Variants in CHL1 observed in about 807,000 individuals in gnomAD.
The protein encoded by CHL1 is cell adhesion molecule L1 like, also known as neural cell adhesion molecule L1-like protein.
In CHL1, 96 loss-of-function variants were observed where a neutral mutation model predicts 141.9. The observed-to-expected ratio is 0.68, with a 90% CI of 0.57 to 0.80. The LOEUF (loss-of-function observed/expected upper bound fraction) is 0.80, where lower values mean the gene tolerates loss of function less well. Ranked by LOEUF, CHL1 falls within the 30% of genes least tolerant of loss-of-function variation. The pLI, the probability that CHL1 is intolerant of heterozygous loss-of-function variation, is 0.00. For missense variants in CHL1, 1,820 were observed against 1,457.2 expected, an observed-to-expected ratio of 1.25 and a Z score of -4.05; for synonymous variants, 613 against 502.2, an observed-to-expected ratio of 1.22 and a Z score of -2.95.
At chr3:313,089 G>C (rs1026529431) in intron 2 of CHL1, among the ~76,000 whole-genome samples, 1 of 151,894 alleles carries the variant, frequency 6.6e-6, no homozygotes, top group African/African-American at 2.4e-5. Flanking sequence ...TTCTTTTTTG[G>C]CTGTGTGCAT....
intron 5 of CHL1, among the ~76,000 whole-genome samples, chr3:330,518 A>G (rs1291240932): frequency 6.6e-6 from 1 of 152,110 alleles, no homozygotes; most frequent in East Asian, 1.9e-4. Context: ...AAATTCAACA[A>G]TGTGGTATGT....
chr3:316,417 C>T (rs1294123808), intron 2 of CHL1, among the ~76,000 whole-genome samples: 1 of 150,622 alleles, frequency 6.6e-6, no homozygotes, highest in Non-Finnish European at 1.5e-5. Flanking sequence ...TGGCAAAAAC[C>T]ACAATAACTT....
intron 1 of CHL1, among the ~76,000 whole-genome samples, chr3:242,953 G>T (rs758747599): frequency 2.8e-4 from 43 of 152,206 alleles, no homozygotes; most frequent in Non-Finnish European, 6.0e-4. Flanking sequence ...GTCCTTGACA[G>T]TGGTAAGAAG....
At chr3:249,832 C>A (rs1693518736) in intron 2 of CHL1, among the ~76,000 whole-genome samples, 1 of 152,048 alleles carries the variant, frequency 6.6e-6, no homozygotes, top group Non-Finnish European at 1.5e-5. Context: ...TCAGTACATA[C>A]TGTGAATATA....
rs777927108 is a variant in CHL1 at position 377,904 on chromosome 3, T to C, written c.1838T>C (p.Leu613Pro). 1 of 1,612,840 alleles carries C rather than the reference T, an allele frequency of 6.2e-7. No homozygotes were observed. The highest frequency in any genetic ancestry group is 8.5e-7 in the Non-Finnish European group (1 of 1,179,362). The change falls in exon 16 of 28, where the codon CTA becomes CCA. Residue 613 changes from leucine to proline, a missense_variant. Transcript: ENST00000256509. ...TACTGCTGTTCAGCTCATACTGCTC[T>C]AGACAGTGCTGCCGATATAACTCAA... is the stretch of plus-strand genomic sequence containing the variant. Reference protein sequence around the residue: ...GIYCCSAHTALDSAADITQVT... With the variant: ...GIYCCSAHTAPDSAADITQVT...
chr3:373,819 C>T (rs1316560187), intron 15 of CHL1: 1 of 152,304 alleles, frequency 6.6e-6, no homozygotes, highest in African/African-American at 2.4e-5. Context: ...TCACTCACCG[C>T]CTCCCTTGGC....
rs920585292 is a variant in CHL1, at chr3:398,301, G to C, written c.3169G>C (p.Ala1057Pro). The change falls in exon 25 of 28, where the codon GCT becomes CCT. Residue 1057 changes from alanine (A) to proline (P), a missense_variant. Ala to Pro is a conservative substitution (Grantham distance 27). Coordinates refer to ENST00000256509, the MANE Select transcript of CHL1 (RefSeq NM_006614.4). ...CCCAATAGAGGTATTTGAGCCGGGA[G>C]CTGAACATATAGTTCGCCTAATGAC... ...THPIEVFEPGAEHIVRLMTKN... is the reference protein window; with the variant it reads ...THPIEVFEPGPEHIVRLMTKN... The C allele has an allele frequency of 1.2e-6, 2 of 1,607,920 alleles. No individual in the cohort carries two copies. The highest frequency in any genetic ancestry group is 2.7e-5 in the African/African-American group (2 of 74,786).
intron 2 of CHL1, among the ~76,000 whole-genome samples, chr3:284,468 C>T (rs76733797): frequency 0.011 from 1,741 of 152,244 alleles, 38 homozygotes; most frequent in African/African-American, 0.04. Context: ...GGAACTGTTC[C>T]AAACCGTGTG....
intron 11 of CHL1, 101 bp downstream of exon 11, chr3:354,872 T>C (rs1703581470): frequency 7.0e-7 from 1 of 1,438,054 alleles, no homozygotes; most frequent in Non-Finnish European, 9.5e-7. Flanking sequence ...TGTGGTTGGA[T>C]TAGCAGGACA....
chr3:362,985 C>T lies in CHL1; in HGVS notation c.1419-232C>T, dbSNP rs144176623. ...CCGGTGCTGGTGGCTATGACAAATA[C>T]AGCAGAAGCACTGAGCATGGACTTG... On this transcript the variant is annotated intron_variant, in intron 13 of 27. Transcript: ENST00000256509. Among the ~76,000 whole-genome samples, 9 of 152,268 alleles carry T rather than the reference C, an allele frequency of 5.9e-5. No individual in the cohort carries two copies. The East Asian group carries it at 1.7e-3, about 29-fold the overall frequency.
At chr3:230,733 T>C (rs1157666778) in intron 1 of CHL1, among the ~76,000 whole-genome samples, 1 of 152,180 alleles carries the variant, frequency 6.6e-6, no homozygotes, top group Non-Finnish European at 1.5e-5. Flanking sequence ...TTTTGTATTG[T>C]GGTAAAATGT....
intron 2 of CHL1, among the ~76,000 whole-genome samples, chr3:312,875 G>C (rs142944022): frequency 6.6e-6 from 1 of 152,126 alleles, no homozygotes; most frequent in Admixed American, 6.6e-5. Flanking sequence ...ACTATAATTT[G>C]GATGCCAGTG....
chr3:260,026 A>C (rs1694555475), intron 2 of CHL1, among the ~76,000 whole-genome samples: 1 of 152,180 alleles, frequency 6.6e-6, no homozygotes, highest in Non-Finnish European at 1.5e-5. Context: ...GCACTCTAGG[A>C]GGCCGAGGCA....
In CHL1 at chr3:316,035, C is replaced by T. The variant is rs140502901; in HGVS notation, c.-94-3648C>T. On this transcript the variant is annotated intron_variant, in intron 2 of 27. Coordinates refer to ENST00000256509, the MANE Select transcript of CHL1 (RefSeq NM_006614.4). ...CACAGATTGGTTCGATCAGGTGTGACGTTTACATAGTGTGCAGAAAAGGCT... is the reference window on the plus strand; with the variant it reads ...CACAGATTGGTTCGATCAGGTGTGATGTTTACATAGTGTGCAGAAAAGGCT... Among the ~76,000 whole-genome samples the T allele has an allele frequency of 2.5e-3, 380 of 151,982 alleles. 3 individuals carry two copies. Among genetic ancestry groups the T allele is most frequent in the African/African-American group, 8.9e-3 (367 of 41,448 alleles).
intron 2 of CHL1, among the ~76,000 whole-genome samples, chr3:282,435 G>A (rs953394037): frequency 5.3e-5 from 8 of 152,034 alleles, no homozygotes; most frequent in African/African-American, 1.9e-4. Flanking sequence ...CTTTACTAGT[G>A]TTCTTTATTT....
At chr3:242,286 A>G (rs2125096862) in intron 1 of CHL1, among the ~76,000 whole-genome samples, 1 of 149,480 alleles carries the variant, frequency 6.7e-6, no homozygotes, top group South Asian at 2.1e-4. Context: ...ACATGAAGGA[A>G]TGAAAGAAAA....
intron 24 of CHL1, among the ~76,000 whole-genome samples, chr3:395,435 T>C (rs1231733855): frequency 6.6e-6 from 1 of 152,224 alleles, no homozygotes; most frequent in Admixed American, 6.5e-5. Context: ...TTTTCTGTTT[T>C]TTTCTACCTT....
chr3:266,130 A>T (rs1056283495), intron 2 of CHL1, among the ~76,000 whole-genome samples: 1 of 152,240 alleles, frequency 6.6e-6, no homozygotes, highest in Non-Finnish European at 1.5e-5. Context: ...CAGGAGAAGG[A>T]TCCATCTTTC....
chr3:314,329 G>GTATATATATATATA lies in CHL1; in HGVS notation c.-94-5326_-94-5313dup, dbSNP rs56292297. On this transcript the variant is annotated intron_variant, in intron 2 of 27. Coordinates refer to ENST00000256509, the MANE Select transcript of CHL1 (RefSeq NM_006614.4). The stretch of plus-strand genomic sequence containing the variant: ...TCTCTTTCTCTCTCTCTCTCTATGT[G>GTATATATATATATA]TATATATATATATATATATATATAT... Among the ~76,000 whole-genome samples, 519 of 65,156 alleles carry GTATATATATATATA rather than the reference G, an allele frequency of 8.0e-3. 31 individuals carry two copies. The highest frequency in any genetic ancestry group is 0.011 in the South Asian group (14 of 1,228). 42.7% of individuals were successfully genotyped at this position (65,156 alleles called of 152,430 possible).
Sources: gnomAD v4.1 joint callset for allele counts (sites outside exome capture counted in the v4.1 genomes callset) on GRCh38, gnomAD v4.1.1 for gene constraint, MANE v1.5 for transcripts, NCBI Gene and HGNC (gene_info 2026-07-23, HGNC 2026-07-21) for gene names.